The following ZNF91 variants were observed in gnomAD, a reference collection of about 807,000 sequenced individuals.
The protein encoded by ZNF91 is zinc finger protein 91, also known as zinc finger protein 91 (HPF7, HTF10).
ZNF91 carries 7 observed loss-of-function variants against 12.6 expected under a neutral mutation model. The ratio of observed to expected loss-of-function variants is 0.55; its 90% confidence interval spans 0.31 to 1.04. The LOEUF (loss-of-function observed/expected upper bound fraction) is 1.04, where lower values mean the gene tolerates loss of function less well. Among genes scored for constraint, ZNF91 ranks in the 50% least tolerant of loss-of-function variants. The pLI is 0.05. For missense variants in ZNF91, 1,217 were observed against 1,385.4 expected (o/e 0.88, Z 1.93); for synonymous variants, 453 against 462.6 (o/e 0.98, Z 0.27).
intron 1 of ZNF91, among the ~76,000 whole-genome samples, chr19:23,317,674 T>A (rs1240385857): frequency 2.6e-5 from 4 of 152,138 alleles, no homozygotes; most frequent in African/African-American, 9.6e-5. Context: ...AGTCGAAACT[T>A]GAAAAAGTGA....
intron 1 of ZNF91, among the ~76,000 whole-genome samples, chr19:23,316,150 G>A (rs1967553307): frequency 6.7e-6 from 1 of 150,322 alleles, no homozygotes. Context: ...ACTTGACCCA[G>A]CATCTAGGTG....
rs114379196 is a variant in ZNF91, at chr19:23,363,470, T to G, written c.254-745A>C. On this transcript the variant is annotated intron_variant, in intron 3 of 3. Coordinates refer to ENST00000300619, the MANE Select transcript of ZNF91 (RefSeq NM_003430.4). ...TACAAAGTAACATAAGTAAACACTC[T>G]TAATTAAGACATAAACACAAAATTT... Among the ~76,000 whole-genome samples, 771 of 152,298 alleles carry G rather than the reference T, an allele frequency of 5.1e-3. 3 individuals are homozygous for G. The highest frequency in any genetic ancestry group is 0.018 in the African/African-American group (745 of 41,562).
chr19:23,369,327 G>C (rs897536182), intron 3 of ZNF91, among the ~76,000 whole-genome samples: 1 of 150,778 alleles, frequency 6.6e-6, no homozygotes, highest in Non-Finnish European at 1.5e-5. Flanking sequence ...AAAAAACAAC[G>C]CCCGGGAGGG....
At chr19:23,345,822 A>C (rs1421526374) in intron 3 of ZNF91, among the ~76,000 whole-genome samples, 1 of 152,040 alleles carries the variant, frequency 6.6e-6, no homozygotes, top group Non-Finnish European at 1.5e-5. Context: ...TCCTCAGGAC[A>C]ATTCTAGTAT....
At chr19:23,352,593 G>A (rs1327244953) in intron 3 of ZNF91, among the ~76,000 whole-genome samples, 1 of 152,066 alleles carries the variant, frequency 6.6e-6, no homozygotes, top group Non-Finnish European at 1.5e-5. Context: ...CATGATGAAT[G>A]CAATGGTACC....
chr19:23,317,962 T>C (rs1198968562), intron 1 of ZNF91, among the ~76,000 whole-genome samples: 4 of 152,206 alleles, frequency 2.6e-5, no homozygotes, highest in Non-Finnish European at 1.5e-5. Context: ...TACACCTCTG[T>C]CCAGCAACTA....
intron 2 of ZNF91, among the ~76,000 whole-genome samples, chr19:23,374,388 C>CAAAAAAAAAAAAAAAAA (rs34706703): frequency 1.1e-5 from 1 of 88,252 alleles, no homozygotes; most frequent in African/African-American, 4.1e-5. Context: ...CTAAAAATAC[C>CAAAAAAAAAAAAAAAAA]AAAAAAAAAA....
intron 1 of ZNF91, among the ~76,000 whole-genome samples, 187 bp from the exon 2 acceptor site, chr19:23,374,951 G>A (rs1416691036): frequency 1.3e-5 from 2 of 152,188 alleles, no homozygotes; most frequent in African/African-American, 4.8e-5. Flanking sequence ...TGAGAAAAGA[G>A]AGTGGCATAA....
At chr19:23,368,347 T>C (rs1008591267) in intron 3 of ZNF91, among the ~76,000 whole-genome samples, 2 of 151,764 alleles carry the variant, frequency 1.3e-5, no homozygotes, top group African/African-American at 4.8e-5. Context: ...AAAACCTGTC[T>C]CTACTAAAAA....
At chr19:23,386,656 C>G (rs554614027) in intron 1 of ZNF91, among the ~76,000 whole-genome samples, 1 of 152,208 alleles carries the variant, frequency 6.6e-6, no homozygotes, top group East Asian at 1.9e-4. Flanking sequence ...AAAATCAACT[C>G]AAGATTAATT....
intron 3 of ZNF91, among the ~76,000 whole-genome samples, chr19:23,305,704 G>A (rs747527179): frequency 2.2e-4 from 33 of 152,296 alleles, no homozygotes; most frequent in African/African-American, 7.7e-4. Flanking sequence ...CTCAGCCCAG[G>A]TGGATTCAAT....
intron 2 of ZNF91, 57 bp downstream of exon 2, chr19:23,374,576 AAAAAG>A (rs1969430413): frequency 3.4e-6 from 5 of 1,452,304 alleles, no homozygotes; most frequent in Admixed American, 4.4e-5. Flanking sequence ...AAAAAAAAAA[AAAAAG>A]AAAAGAAGTA....
chr19:23,340,612 A>C (rs1187682563), intron 3 of ZNF91, among the ~76,000 whole-genome samples: 1 of 152,076 alleles, frequency 6.6e-6, no homozygotes, highest in Non-Finnish European at 1.5e-5. Context: ...AAACAATAAT[A>C]ATCCTCCTGA....
chr19:23,370,328 T>C (rs1051238508), intron 3 of ZNF91, among the ~76,000 whole-genome samples: 1 of 152,262 alleles, frequency 6.6e-6, no homozygotes, highest in Non-Finnish European at 1.5e-5. Context: ...CACTAAGATA[T>C]ATAAAATAGT....
In ZNF91 at chr19:23,360,029, G is replaced by A. The variant is rs200480695; in HGVS notation, c.2950C>T (p.His984Tyr). 22 of 1,613,368 alleles carry A rather than the reference G, an allele frequency of 1.4e-5. No individual in the cohort carries two copies. Among genetic ancestry groups the A allele is most frequent in the African/African-American group, 2.7e-5 (2 of 75,006 alleles). Reference sequence around the variant, plus strand: ...TTCTCTCCAGTATGAATTATCTTATGTTCAGTAAGAGTTGAAGATTTCCTA... The same window carrying A: ...TTCTCTCCAGTATGAATTATCTTATATTCAGTAAGAGTTGAAGATTTCCTA... Reference protein sequence around the residue: ...AFRKSSTLTEHKIIHTGEKPY... With the variant: ...AFRKSSTLTEYKIIHTGEKPY... Residue 984 changes from histidine to tyrosine, a missense_variant, in exon 4 of 4, where the codon CAT becomes TAT. Coordinates refer to ENST00000300619, the MANE Select transcript of ZNF91 (RefSeq NM_003430.4).
intron 1 of ZNF91, among the ~76,000 whole-genome samples, chr19:23,323,548 CCTCTTCCTTTTTCCTTTTCCTCTT>C: frequency 1.4e-5 from 2 of 143,446 alleles, no homozygotes; most frequent in East Asian, 7.3e-4. Context: ...CTTTTTCTCT[CCTCTTCCTTTTTCCTTTTCCTCTT>C]CTCTTCCTCC....
chr19:23,310,609 A>G (rs1205657464), upstream of ZNF91: 8 of 152,182 alleles, frequency 5.3e-5, no homozygotes, highest in Admixed American at 2.0e-4. Flanking sequence ...CACGTGTGAC[A>G]TGTGCCTCTT....
chr19:23,348,845 T>A (rs1328570361), intron 3 of ZNF91, among the ~76,000 whole-genome samples: 2 of 152,120 alleles, frequency 1.3e-5, no homozygotes, highest in East Asian at 3.9e-4. Flanking sequence ...CTGAATTCTT[T>A]TCCCAGCAAG....
chr19:23,383,901 G>C (rs1272433161), intron 1 of ZNF91, among the ~76,000 whole-genome samples: 1 of 152,078 alleles, frequency 6.6e-6, no homozygotes, highest in African/African-American at 2.4e-5. Flanking sequence ...CACGAGGTCA[G>C]GAGTTCGAGA....
Sources: gnomAD v4.1 joint callset for allele counts (sites outside exome capture counted in the v4.1 genomes callset) on GRCh38, gnomAD v4.1.1 for gene constraint, MANE v1.5 for transcripts, NCBI Gene and HGNC (gene_info 2026-07-23, HGNC 2026-07-21) for gene names.